Variants in TEX22 observed in about 807,000 individuals in gnomAD.
TEX22 encodes testis-expressed protein 22.
Under a neutral mutation model 11.3 loss-of-function variants are expected in TEX22, and 16 were observed. The observed-to-expected ratio is 1.42, with a 90% CI of 0.96 to 2.15. The LOEUF (loss-of-function observed/expected upper bound fraction) is 2.15. TEX22 is among the 30% of genes most tolerant of loss of function. The pLI is 0.00. For missense variants in TEX22, 220 were observed against 208.6 expected, an observed-to-expected ratio of 1.05 and a Z score of -0.34; for synonymous variants, 97 against 92.3, an observed-to-expected ratio of 1.05 and a Z score of -0.29.
At chr14:105,408,048 T>C (rs1300324505) in intron 2 of TEX22, among the ~76,000 whole-genome samples, 5 of 152,208 alleles carry the variant, frequency 3.3e-5, no homozygotes, top group African/African-American at 9.7e-5. Context: ...GTTCTGTGCA[T>C]GTTCTCCTGT....
rs1287333610 is a variant in TEX22 at position 105,411,515 on chromosome 14, C to T, written c.279+19C>T. The T allele has an allele frequency of 1.7e-6, 2 of 1,151,200 alleles. No homozygotes were observed. The highest frequency in any genetic ancestry group is 4.8e-5 in the Admixed American group (1 of 20,948). The allele number at this position is 1,151,200 out of a possible 1,614,324, so 71.3% of individuals were successfully genotyped here. A position where few individuals can be genotyped will look rare whatever the true frequency, so the allele number is the denominator to read the frequency against. ...CTGCAGGGTGCGCGGGGGGCGGGTC[C>T]TCCCCGCCCCGTCCCCGCCCCGCCC... On this transcript the variant is annotated intron_variant, in intron 3 of 3. Transcript: ENST00000451127.
At chr14:105,399,669 C>T (rs2141353609) in intron 2 of TEX22, among the ~76,000 whole-genome samples, 179 bp downstream of exon 2, 1 of 152,332 alleles carries the variant, frequency 6.6e-6, no homozygotes, top group Admixed American at 6.5e-5. Flanking sequence ...CCTGGACGAG[C>T]ACCAAGGTGG....
At chr14:105,407,460 ACTC>A (rs1193176889) in intron 2 of TEX22, among the ~76,000 whole-genome samples, 1 of 151,046 alleles carries the variant, frequency 6.6e-6, no homozygotes, top group African/African-American at 2.4e-5. Context: ...GCAGCCTTGA[ACTC>A]CTAGCCTCAA....
intron 2 of TEX22, among the ~76,000 whole-genome samples, chr14:105,402,543 T>A (rs182424339): frequency 0.063 from 9,490 of 149,560 alleles, 684 homozygotes; most frequent in African/African-American, 0.18. Flanking sequence ...TCACAAGGTC[T>A]GGAGATCAAG....
At chr14:105,399,583 G>C in intron 2 of TEX22, 93 bp downstream of exon 2, 2 of 1,370,330 alleles carry the variant, frequency 1.5e-6, no homozygotes, top group Non-Finnish European at 9.7e-7. Context: ...GTCGTGATGA[G>C]CAGCCTCAGG....
At chr14:105,401,536 A>G (rs896572703) in intron 2 of TEX22, among the ~76,000 whole-genome samples, 4 of 140,364 alleles carry the variant, frequency 2.8e-5, no homozygotes, top group Admixed American at 2.3e-4. Context: ...GAACAATGAC[A>G]ACACTTGGAC....
At chr14:105,403,807 C>A (rs2081644897) in intron 2 of TEX22, among the ~76,000 whole-genome samples, 1 of 152,164 alleles carries the variant, frequency 6.6e-6, no homozygotes, top group Non-Finnish European at 1.5e-5. Context: ...TTGAAAATTT[C>A]ATTTTAAATG....
intron 2 of TEX22, among the ~76,000 whole-genome samples, chr14:105,409,497 TC>T (rs1555419127): frequency 4.7e-4 from 70 of 147,720 alleles, no homozygotes; most frequent in African/African-American, 1.8e-3. Context: ...GACTTCTTCT[TC>T]TTCTTTTTTT....
intron 2 of TEX22, among the ~76,000 whole-genome samples, chr14:105,404,045 GT>G (rs1346818318): frequency 6.6e-6 from 1 of 152,210 alleles, no homozygotes; most frequent in East Asian, 1.9e-4. Flanking sequence ...TTTTATCTTA[GT>G]TTCCGTAGGT....
At chr14:105,405,033 T>A (rs10142763) in intron 2 of TEX22, among the ~76,000 whole-genome samples, 5 of 152,070 alleles carry the variant, frequency 3.3e-5, no homozygotes, top group Non-Finnish European at 5.9e-5. Flanking sequence ...TGGGCCATGG[T>A]GGCTCACACC....
intron 2 of TEX22, among the ~76,000 whole-genome samples, chr14:105,409,070 G>A (rs781865444): frequency 1.1e-4 from 16 of 151,510 alleles, no homozygotes; most frequent in South Asian, 2.1e-4. Context: ...ACATTGGGTC[G>A]TCTGGAGCTG....
intron 2 of TEX22, among the ~76,000 whole-genome samples, chr14:105,406,372 A>G (rs1555418872): frequency 1.3e-5 from 2 of 152,260 alleles, no homozygotes; most frequent in African/African-American, 4.8e-5. Context: ...ACCAGAATCT[A>G]TGAAGAGATG....
chr14:105,411,727 C>A lies in TEX22; in HGVS notation c.347C>A (p.Pro116Gln), dbSNP rs1555419421. Residue 116 changes from proline to glutamine, a missense_variant, in exon 4 of 4, where the codon CCG (proline) becomes CAG (glutamine). Coordinates refer to ENST00000451127, the MANE Select transcript of TEX22 (RefSeq NM_001195082.2). ...DVDKDVLLPHPLRSTESTNAF... is the reference protein window; with the variant it reads ...DVDKDVLLPHQLRSTESTNAF... ...GACAAGGACGTGCTCCTTCCCCACCCGCTGAGGTCCACCGAGTCCACCAAC... is the reference window on the plus strand; with the variant it reads ...GACAAGGACGTGCTCCTTCCCCACCAGCTGAGGTCCACCGAGTCCACCAAC... The A allele has an allele frequency of 1.3e-6, 2 of 1,524,158 alleles. No individual in the cohort carries two copies. The highest frequency in any genetic ancestry group is 2.4e-5 in the South Asian group (2 of 83,786). 94.4% of individuals were successfully genotyped at this position (1,524,158 alleles called of 1,614,324 possible).
At chr14:105,406,305 T>TA (rs1555418867) in intron 2 of TEX22, among the ~76,000 whole-genome samples, 2 of 152,230 alleles carry the variant, frequency 1.3e-5, no homozygotes, top group Admixed American at 6.5e-5. Context: ...ACAAAAATGT[T>TA]AAACGACAGC....
intron 2 of TEX22, among the ~76,000 whole-genome samples, chr14:105,402,586 C>G (rs1302637761): frequency 2.0e-5 from 3 of 151,448 alleles, no homozygotes; most frequent in Non-Finnish European, 4.4e-5. Context: ...AACCCCGTCT[C>G]TACTAAAAAA....
intron 2 of TEX22, among the ~76,000 whole-genome samples, chr14:105,401,913 C>T (rs587692336): frequency 1.2e-3 from 181 of 152,242 alleles, no homozygotes; most frequent in Middle Eastern, 6.8e-3. Flanking sequence ...TCGCCAGGTG[C>T]GGTGGCTCAT....
At chr14:105,411,575 A>C in intron 3 of TEX22, 79 bp downstream of exon 3, 1 of 1,065,792 alleles carries the variant, frequency 9.4e-7, no homozygotes, top group Admixed American at 4.5e-5. Flanking sequence ...ACTCAGTCCC[A>C]CTGGGCCCTT....
intron 2 of TEX22, among the ~76,000 whole-genome samples, chr14:105,406,596 T>A (rs782311147): frequency 5.3e-5 from 8 of 150,802 alleles, no homozygotes; most frequent in Non-Finnish European, 1.0e-4. Flanking sequence ...GGCTCCCAGC[T>A]GCTCGGGAGG....
intron 2 of TEX22, 106 bp from the exon 3 acceptor site, chr14:105,411,262 T>C: frequency 8.5e-7 from 1 of 1,176,362 alleles, no homozygotes; most frequent in Non-Finnish European, 1.1e-6. Flanking sequence ...GACGGCGCTT[T>C]AGAAAGCGCC....
Sources: gnomAD v4.1 joint callset for allele counts (sites outside exome capture counted in the v4.1 genomes callset) on GRCh38, gnomAD v4.1.1 for gene constraint, MANE v1.5 for transcripts, NCBI Gene and HGNC (gene_info 2026-07-23, HGNC 2026-07-21) for gene names.